Variants in ZNF229 observed in about 807,000 individuals in gnomAD.
The protein encoded by ZNF229 is zinc finger protein 229.
A neutral mutation model predicts 11.8 loss-of-function variants in ZNF229; 10 were observed. The observed-to-expected ratio is 0.85, with a 90% CI of 0.52 to 1.44. The LOEUF is 1.44. ZNF229 is among the 40% of genes most tolerant of loss of function. The pLI, the probability that ZNF229 is intolerant of heterozygous loss-of-function variation, is 0.00. For synonymous variants in ZNF229, 368 were observed against 374.8 expected, an observed-to-expected ratio of 0.98 and a Z score of 0.21; for missense variants, 1,045 against 1,015.1, an observed-to-expected ratio of 1.03 and a Z score of -0.40.
At chr19:44,438,832 C>T (rs368567224) in intron 4 of ZNF229, among the ~76,000 whole-genome samples, 29 of 152,276 alleles carry the variant, frequency 1.9e-4, no homozygotes, top group East Asian at 9.6e-4. Context: ...TGCCCCTTAC[C>T]CCATACCTTT....
rs562216013 is a variant in ZNF229 at position 44,429,184 on chromosome 19, G to C, written c.1597C>G (p.Leu533Val). The change falls in exon 6 of 6, where the codon CTC becomes GTC. Residue 533 changes from leucine to valine, a missense_variant. Leu to Val is a conservative substitution (Grantham distance 32, BLOSUM62 1). Coordinates refer to ENST00000614049, the MANE Select transcript of ZNF229 (RefSeq NM_014518.4). ...CCTGTGTGCAGTCTCTGATGCATGA[G>C]AAGCCCTGAGCTGTAACTGAAACTC... ...GKSFSYSSGL[L>V]MHQRLHTGEK... is the part of the protein sequence containing the mutation. 8.1e-6 allele frequency: 13 copies of C among 1,614,084 alleles called. No individual in the cohort carries two copies. In the South Asian group the frequency reaches 1.4e-4, roughly 18 times the overall value.
chr19:44,446,572 A>G (rs1011641503), intron 2 of ZNF229, among the ~76,000 whole-genome samples: 1 of 152,238 alleles, frequency 6.6e-6, no homozygotes, highest in African/African-American at 2.4e-5. Flanking sequence ...TGGTACACAG[A>G]AAATCATCAA....
rs2123334280 is a variant in ZNF229 at position 44,429,122 on chromosome 19, A to C, written c.1659T>G (p.Phe553Leu). The C allele has an allele frequency of 6.2e-7, 1 of 1,611,950 alleles. No individual in the cohort carries two copies. The highest frequency in any genetic ancestry group is 8.5e-7 in the Non-Finnish European group (1 of 1,179,436). ...GGATGTGGAGGTCGGAGCTCCGGCCAAAGCTCTTCCCGCACTCGCATTTGT... is the reference window on the plus strand; with the variant it reads ...GGATGTGGAGGTCGGAGCTCCGGCCCAAGCTCTTCCCGCACTCGCATTTGT... ...KPYKCECGKS[F>L]GRSSDLHIHQ... The change falls in exon 6 of 6, where the codon TTT becomes TTG. Residue 553 changes from phenylalanine to leucine, a missense_variant. Coordinates refer to ENST00000614049, the MANE Select transcript of ZNF229 (RefSeq NM_014518.4).
Position 44,428,859 on chromosome 19 carries a change from G to A in ZNF229, c.1922C>T (p.Ser641Leu), listed in dbSNP as rs1187421707. Reference protein sequence around the residue: ...AECGKGFSYSSGLLIHQRVHT... With the variant: ...AECGKGFSYSLGLLIHQRVHT... ...GACTCTCTGGTGAATGAGAAGCCCT[G>A]AGCTGTAACTGAAGCCTTTGCCACA... Residue 641 changes from serine (S) to leucine (L), a missense_variant, in exon 6 of 6, where the codon TCA (serine) becomes TTA (leucine). Physicochemically the swap from Ser to Leu is moderately radical, Grantham distance 145. Coordinates refer to ENST00000614049, the MANE Select transcript of ZNF229 (RefSeq NM_014518.4). The A allele has an allele frequency of 1.2e-6, 2 of 1,613,684 alleles. No individual in the cohort carries two copies. Among genetic ancestry groups the A allele is most frequent in the Non-Finnish European group, 1.7e-6 (2 of 1,179,990 alleles).
rs767147004 is a variant in ZNF229, at chr19:44,432,380, C to A, written c.94-14G>T. On this transcript the variant is annotated splice_polypyrimidine_tract_variant and intron_variant, in intron 4 of 5. Transcript: ENST00000614049. Reference sequence around the variant, plus strand: ...GCTCAATGGCTCCTAAAATGAAAAACCATTAACACAAACATCTACTAGATG... The same window carrying A: ...GCTCAATGGCTCCTAAAATGAAAAAACATTAACACAAACATCTACTAGATG... 6.2e-7 allele frequency: 1 copy of A among 1,612,118 alleles called. No homozygotes were observed. The highest frequency in any genetic ancestry group is 1.7e-5 in the Admixed American group (1 of 59,418).
At chr19:44,438,808 G>A (rs1025694070) in intron 4 of ZNF229, among the ~76,000 whole-genome samples, 1 of 152,088 alleles carries the variant, frequency 6.6e-6, no homozygotes, top group Non-Finnish European at 1.5e-5. Context: ...CCCAGAGAGG[G>A]CATGGAAGCT....
intron 4 of ZNF229, among the ~76,000 whole-genome samples, chr19:44,434,321 T>C (rs1301723281): frequency 6.6e-6 from 1 of 152,116 alleles, no homozygotes; most frequent in Non-Finnish European, 1.5e-5. Context: ...TGCTCTTTGC[T>C]ACCACAGCCC....
At chr19:44,440,725 T>C (rs886177722) in intron 4 of ZNF229, among the ~76,000 whole-genome samples, 2 of 136,096 alleles carry the variant, frequency 1.5e-5, no homozygotes, top group Admixed American at 1.5e-4. Context: ...AAAACCAACA[T>C]TCTTTTTTTT....
chr19:44,428,379 C>A lies in ZNF229; in HGVS notation c.2402G>T (p.Cys801Phe), dbSNP rs755328683. ...TGEKPYTCGV[C>F]GKGFSYTSGL... ...TGAGGTATAACTGAAGCCTTTCCCA[C>A]ACACACCACACGTATAGGGCTTCTC... is the stretch of plus-strand genomic sequence containing the variant. The change falls in exon 6 of 6, where the codon TGT (cysteine) becomes TTT (phenylalanine). Residue 801 changes from cysteine (C) to phenylalanine (F), a missense_variant. By Grantham distance (205) the Cys-to-Phe change is radical. Transcript: ENST00000614049. 2.4e-5 allele frequency: 38 copies of A among 1,614,028 alleles called. No individual in the cohort carries two copies. The highest frequency in any genetic ancestry group is 3.1e-5 in the Non-Finnish European group (37 of 1,180,036).
rs1005843929 is a variant in ZNF229 at position 44,448,345 on chromosome 19, TC to T, written c.-303del. ...CATGGAAATCCGTGGGCTTCGACCC[TC>T]CGCCGCACGTTGTCCCTTCACACTG... On this transcript the variant is annotated 5_prime_UTR_variant, in exon 1 of 6. Transcript: ENST00000614049. The T allele has an allele frequency of 6.6e-6, 1 of 152,346 alleles. No individual in the cohort carries two copies. Among genetic ancestry groups the T allele is most frequent in the African/African-American group, 2.4e-5 (1 of 41,454 alleles). The allele number at this position is 152,346 out of a possible 1,614,324, so 9.4% of individuals were successfully genotyped here. A position where few individuals can be genotyped will look rare whatever the true frequency, so the allele number is the denominator to read the frequency against.
chr19:44,443,404 AG>A (rs1242062870), intron 2 of ZNF229, among the ~76,000 whole-genome samples: 1 of 152,198 alleles, frequency 6.6e-6, no homozygotes, highest in Non-Finnish European at 1.5e-5. Context: ...CCCCATACTT[AG>A]GGATTATAGA....
chr19:44,445,500 T>C lies in ZNF229; in HGVS notation c.-178+2013A>G, dbSNP rs572068762. ...TCTGGCTTCCTTGCTGTTCTTCACA[T>C]GCCCTCATCACCGGGCCTTCGTGTT... On this transcript the variant is annotated intron_variant, in intron 2 of 5. Transcript: ENST00000614049. Among the ~76,000 whole-genome samples the C allele has an allele frequency of 8.5e-5, 13 of 152,328 alleles. No homozygotes were observed. The East Asian group carries it at 2.5e-3, about 29-fold the overall frequency.
intron 2 of ZNF229, among the ~76,000 whole-genome samples, chr19:44,445,106 A>T (rs571466228): frequency 7.2e-5 from 11 of 152,310 alleles, no homozygotes; most frequent in African/African-American, 2.6e-4. Context: ...AATGAAGAGG[A>T]AATATTCTAG....
Position 44,432,279 on chromosome 19 carries a change from C to T in ZNF229, c.181G>A (p.Asp61Asn). The T allele has an allele frequency of 6.2e-7, 1 of 1,613,952 alleles. No individual in the cohort carries two copies. Among genetic ancestry groups the T allele is most frequent in the Non-Finnish European group, 8.5e-7 (1 of 1,179,986 alleles). Reference protein sequence around the residue: ...LDSTQRQLYQDVMQENFRNLL... With the variant: ...LDSTQRQLYQNVMQENFRNLL... ...TTCCTGAAATTCTCCTGCATCACAT[C>T]TTGGTACAGCTGCCTCTGGGTAGAG... Residue 61 changes from aspartate (D) to asparagine (N), a missense_variant, in exon 5 of 6, where the codon GAT becomes AAT. Asp to Asn is a conservative substitution (Grantham distance 23). Coordinates refer to ENST00000614049, the MANE Select transcript of ZNF229 (RefSeq NM_014518.4).
rs956994612 is a variant in ZNF229, at chr19:44,430,557, A to G, written c.239-15T>C. The G allele has an allele frequency of 1.3e-5, 21 of 1,598,484 alleles. No homozygotes were observed. The highest frequency in any genetic ancestry group is 1.8e-5 in the Non-Finnish European group (21 of 1,171,492). On this transcript the variant is annotated splice_polypyrimidine_tract_variant and intron_variant, in intron 5 of 5. Transcript: ENST00000614049. ...ATTCTTGTCTCCTATGAGGTTAAAG[A>G]CAATTCAGAGATGAGAACTAGTAAA...
chr19:44,432,938 C>T (rs905303575), intron 4 of ZNF229, among the ~76,000 whole-genome samples: 12 of 152,186 alleles, frequency 7.9e-5, no homozygotes, highest in South Asian at 2.1e-4. Flanking sequence ...TTGTTCAGCC[C>T]GGTGTGTCAA....
chr19:44,428,164 C>T lies in ZNF229; in HGVS notation c.*139G>A. ...TTATCACACATCCAGGTGTTCCCTTCCTATGCAGACTAGAAAATGTAAAAT... is the reference window on the plus strand; with the variant it reads ...TTATCACACATCCAGGTGTTCCCTTTCTATGCAGACTAGAAAATGTAAAAT... On this transcript the variant is annotated 3_prime_UTR_variant, in exon 6 of 6. Transcript: ENST00000614049. 1.1e-6 allele frequency: 1 copy of T among 942,898 alleles called. No homozygotes were observed. The highest frequency in any genetic ancestry group is 1.6e-6 in the Non-Finnish European group (1 of 641,602). The allele number at this position is 942,898 out of a possible 1,614,324, so 58.4% of individuals were successfully genotyped here.
chr19:44,442,782 T>TGG, intron 3 of ZNF229, 32 bp downstream of exon 3: 72 of 1,544,846 alleles, frequency 4.7e-5, no homozygotes, highest in Non-Finnish European at 6.2e-5. Flanking sequence ...GTTTGGATTC[T>TGG]CCCCCCACCC....
Position 44,428,404 on chromosome 19 carries a change from C to G in ZNF229, c.2377G>C (p.Glu793Gln). The change falls in exon 6 of 6, where the codon GAG (glutamate) becomes CAG (glutamine). Residue 793 changes from glutamate to glutamine, a missense_variant. Coordinates refer to ENST00000614049, the MANE Select transcript of ZNF229 (RefSeq NM_014518.4). The stretch of plus-strand genomic sequence containing the variant: ...CACACACCACACGTATAGGGCTTCT[C>G]TCCAGTGTGGACTCTCTGATGAACA... ...LHVHQRVHTG[E>Q]KPYTCGVCGK... 1.2e-6 allele frequency: 2 copies of G among 1,614,046 alleles called. No homozygotes were observed. Among genetic ancestry groups the G allele is most frequent in the Non-Finnish European group, 1.7e-6 (2 of 1,180,016 alleles).
Sources: gnomAD v4.1 joint callset for allele counts (sites outside exome capture counted in the v4.1 genomes callset) on GRCh38, gnomAD v4.1.1 for gene constraint, MANE v1.5 for transcripts, NCBI Gene and HGNC (gene_info 2026-07-23, HGNC 2026-07-21) for gene names.